DLGAP1: variants seen among roughly 807,000 people sequenced by gnomAD.
DLGAP1 encodes the protein disks large-associated protein 1.
A neutral mutation model predicts 90.8 loss-of-function variants in DLGAP1; 11 were observed. That is an observed-to-expected ratio of 0.12 (90% CI 0.08 to 0.20). DLGAP1 has a LOEUF of 0.20. Among genes scored for constraint, DLGAP1 ranks in the 10% least tolerant of loss-of-function variants. The pLI is 1.00. For synonymous variants in DLGAP1, 558 were observed against 540.7 expected, an observed-to-expected ratio of 1.03 and a Z score of -0.44; for missense variants, 1,050 against 1,333.8, an observed-to-expected ratio of 0.79 and a Z score of 3.31.
At chr18:3,563,905 G>GT (rs1206864274) in intron 9 of DLGAP1, among the ~76,000 whole-genome samples, 1 of 152,130 alleles carries the variant, frequency 6.6e-6, no homozygotes, top group African/African-American at 2.4e-5. Flanking sequence ...CTATTAGAGT[G>GT]TTTTTTATCT....
chr18:4,184,662 C>T (rs1486548215), intron 1 of DLGAP1, among the ~76,000 whole-genome samples: 1 of 152,114 alleles, frequency 6.6e-6, no homozygotes, highest in East Asian at 1.9e-4. Context: ...CATCACCCTG[C>T]CTTTCCTTCT....
At chr18:4,400,079 C>A (rs1245432226) in intron 1 of DLGAP1, among the ~76,000 whole-genome samples, 1 of 152,100 alleles carries the variant, frequency 6.6e-6, no homozygotes, top group African/African-American at 2.4e-5. Context: ...ACATGTTCCC[C>A]CACCCCCCGC....
chr18:3,988,373 T>C (rs1445212924), intron 3 of DLGAP1, among the ~76,000 whole-genome samples: 1 of 152,144 alleles, frequency 6.6e-6, no homozygotes, highest in African/African-American at 2.4e-5. Context: ...TGATAGGATT[T>C]TGATGTGCGT....
At chr18:4,086,082 C>G (rs2075676800) in intron 2 of DLGAP1, among the ~76,000 whole-genome samples, 1 of 152,170 alleles carries the variant, frequency 6.6e-6, no homozygotes, top group Admixed American at 6.5e-5. Flanking sequence ...GAATGTCCAA[C>G]TCTGCTTCTT....
At chr18:3,880,388 C>T (rs1008474386) in intron 3 of DLGAP1, among the ~76,000 whole-genome samples, 2 of 151,870 alleles carry the variant, frequency 1.3e-5, no homozygotes, top group Non-Finnish European at 2.9e-5. Context: ...ATTGCCCAGG[C>T]TTGGTCTCGA....
At chr18:4,225,978 G>T (rs182896336) in intron 1 of DLGAP1, among the ~76,000 whole-genome samples, 2 of 152,096 alleles carry the variant, frequency 1.3e-5, no homozygotes, top group East Asian at 3.9e-4. Flanking sequence ...TTAACCTAAA[G>T]ACTACAAAAT....
At chr18:4,138,001 T>G (rs1272926118) in intron 2 of DLGAP1, among the ~76,000 whole-genome samples, 1 of 152,128 alleles carries the variant, frequency 6.6e-6, no homozygotes, top group African/African-American at 2.4e-5. Context: ...TTGTAATAGT[T>G]TTTTGGAGGA....
chr18:4,331,892 C>G (rs1186733528), intron 1 of DLGAP1, among the ~76,000 whole-genome samples: 1 of 151,786 alleles, frequency 6.6e-6, no homozygotes, highest in Admixed American at 6.6e-5. Context: ...AATATTTGTT[C>G]AATGCATACA....
chr18:4,408,960 T>C (rs1190341405), intron 1 of DLGAP1, among the ~76,000 whole-genome samples: 1 of 73,744 alleles, frequency 1.4e-5, no homozygotes, highest in African/African-American at 4.9e-5. Flanking sequence ...GAAACCATTA[T>C]ACACACACAC....
chr18:4,306,692 T>C (rs563780797), intron 1 of DLGAP1, among the ~76,000 whole-genome samples: 1 of 152,306 alleles, frequency 6.6e-6, no homozygotes, highest in African/African-American at 2.4e-5. Context: ...GACTACTACT[T>C]TTAGGGATTC....
intron 5 of DLGAP1, among the ~76,000 whole-genome samples, chr18:3,794,954 T>C (rs1478256603): frequency 1.3e-5 from 2 of 152,220 alleles, no homozygotes; most frequent in Admixed American, 1.3e-4. Context: ...TTCATTCCTG[T>C]GTGATGGAGT....
At chr18:4,295,309 A>G (rs1433942021) in intron 1 of DLGAP1, 1 of 152,120 alleles carries the variant, frequency 6.6e-6, no homozygotes, top group Non-Finnish European at 1.5e-5. Flanking sequence ...ACCACACCAC[A>G]TTGGGGTATT....
chr18:4,061,956 G>A (rs2075304327), intron 2 of DLGAP1, among the ~76,000 whole-genome samples: 1 of 152,132 alleles, frequency 6.6e-6, no homozygotes, highest in Admixed American at 6.6e-5. Context: ...TAACTTTAGA[G>A]ATTGTGACAT....
In DLGAP1 at chr18:3,963,583, GTTT is replaced by G. The variant is rs35099419; in HGVS notation, c.-73+41530_-73+41532del. On this transcript the variant is annotated intron_variant, in intron 3 of 12. Transcript: ENST00000315677. ...CATTCTCTTCTGTGTACTTTGGGCT[GTTT>G]TTTTTTTTTTTTTTTTTAGTGCAAT... Among the ~76,000 whole-genome samples the G allele has an allele frequency of 1.7e-3, 194 of 117,554 alleles. 1 individual carries two copies. Among genetic ancestry groups the G allele is most frequent in the South Asian group, 8.5e-3 (30 of 3,514 alleles). The allele number at this position is 117,554 out of a possible 152,430, so 77.1% of individuals were successfully genotyped here.
chr18:3,608,819 C>T (rs1465971966), intron 7 of DLGAP1, among the ~76,000 whole-genome samples: 1 of 152,228 alleles, frequency 6.6e-6, no homozygotes, highest in South Asian at 2.1e-4. Context: ...TAGTTGAAAT[C>T]TGAAATACTC....
At chr18:3,700,852 G>T (rs775110298) in intron 7 of DLGAP1, among the ~76,000 whole-genome samples, 3 of 151,514 alleles carry the variant, frequency 2.0e-5, no homozygotes, top group Non-Finnish European at 4.4e-5. Flanking sequence ...CTCATGATCC[G>T]CCCACCTCGG....
chr18:4,226,350 G>A (rs1394403154), intron 1 of DLGAP1, among the ~76,000 whole-genome samples: 1 of 151,838 alleles, frequency 6.6e-6, no homozygotes, highest in African/African-American at 2.4e-5. Flanking sequence ...AATATCTGAA[G>A]GTATAAAAAT....
chr18:4,099,278 A>G (rs895426166), intron 2 of DLGAP1, among the ~76,000 whole-genome samples: 31 of 151,288 alleles, frequency 2.0e-4, no homozygotes, highest in East Asian at 1.4e-3. Flanking sequence ...CTGTCTATCT[A>G]TCTATCTATC....
intron 4 of DLGAP1, among the ~76,000 whole-genome samples, chr18:3,878,674 C>CAATGAATGAAATGAAACCACCCCACA (rs2071065012): frequency 6.6e-6 from 1 of 152,056 alleles, no homozygotes; most frequent in African/African-American, 2.4e-5. Context: ...CAGGATTTCA[C>CAATGAATGAAATGAAACCACCCCACA]AATGAAAACC....
Sources: allele counts gnomAD v4.1 joint callset (sites outside exome capture counted in the v4.1 genomes callset), GRCh38; gene constraint gnomAD v4.1.1; transcripts MANE v1.5; gene names NCBI Gene and HGNC (gene_info 2026-07-23, HGNC 2026-07-21).